SEMA6A: variants seen among roughly 807,000 people sequenced by gnomAD.
The protein encoded by SEMA6A is semaphorin-6A.
In SEMA6A, 25 loss-of-function variants were observed where a neutral mutation model predicts 96.8. That is an observed-to-expected ratio of 0.26 (90% CI 0.19 to 0.36). The LOEUF is 0.36. Ranked by LOEUF, SEMA6A falls within the 10% of genes least tolerant of loss-of-function variation. The pLI is 1.00. For missense variants in SEMA6A, 1,363 were observed against 1,323.1 expected, an observed-to-expected ratio of 1.03 and a Z score of -0.47; for synonymous variants, 612 against 518.0, an observed-to-expected ratio of 1.18 and a Z score of -2.46.
chr5:116,495,103 GA>G (rs912980539), intron 6 of SEMA6A, among the ~76,000 whole-genome samples: 38 of 151,956 alleles, frequency 2.5e-4, no homozygotes, highest in African/African-American at 8.2e-4. Context: ...GTGGGAGGGA[GA>G]AAAAAAATAG....
intron 1 of SEMA6A, among the ~76,000 whole-genome samples, chr5:116,513,664 C>T (rs1339134062): frequency 6.6e-6 from 1 of 150,424 alleles, no homozygotes; most frequent in Admixed American, 6.6e-5. Context: ...GCAGGATGCT[C>T]AGGTTTGTTA....
chr5:116,513,319 G>T (rs543971568), intron 1 of SEMA6A, among the ~76,000 whole-genome samples: 2 of 152,026 alleles, frequency 1.3e-5, no homozygotes, highest in Non-Finnish European at 2.9e-5. Flanking sequence ...TAGAGACGGG[G>T]TTTCTCCATG....
chr5:116,497,896 G>A (rs201562010), intron 3 of SEMA6A, among the ~76,000 whole-genome samples: 14 of 152,142 alleles, frequency 9.2e-5, no homozygotes, highest in Non-Finnish European at 1.9e-4. Context: ...GATGGATGAC[G>A]ACAAAGGTAA....
Position 116,502,115 on chromosome 5 carries a change from A to T in SEMA6A, c.218+95T>A, listed in dbSNP as rs562978380. ...TAAGTTAAATAACACTCTATTTAGAAACCTCAAGATCTTAAAAATAATGCA... is the reference window on the plus strand; with the variant it reads ...TAAGTTAAATAACACTCTATTTAGATACCTCAAGATCTTAAAAATAATGCA... On this transcript the variant is annotated intron_variant, in intron 3 of 18. Coordinates refer to ENST00000343348, the MANE Select transcript of SEMA6A (RefSeq NM_020796.5). The T allele has an allele frequency of 1.1e-5, 10 of 892,582 alleles. No individual in the cohort carries two copies. In the African/African-American group the frequency reaches 1.5e-4, roughly 13 times the overall value. The allele number at this position is 892,582 out of a possible 1,614,324, so 55.3% of individuals were successfully genotyped here.
In SEMA6A at chr5:116,496,225, C is replaced by G. The variant is rs747385010; in HGVS notation, c.342+26G>C. On this transcript the variant is annotated intron_variant, in intron 5 of 18. Transcript: ENST00000343348. ...TCAAAAACTTAACCCAAAGTGGCAG[C>G]TGCAGGAGAAATGAAAATTGCCTAC... The G allele has an allele frequency of 3.7e-5, 59 of 1,604,160 alleles. No individual in the cohort carries two copies. In the East Asian group the frequency reaches 1.3e-3, roughly 34 times the overall value.
rs370290929 is a variant in SEMA6A at position 116,525,343 on chromosome 5, G to A, written c.-38-20361C>T. Among the ~76,000 whole-genome samples the A allele has an allele frequency of 3.1e-4, 47 of 152,148 alleles. 1 individual carries two copies. Among genetic ancestry groups the A allele is most frequent in the Admixed American group, 1.6e-3 (24 of 15,272 alleles). ...AGTGGGATAATGATGTTTTCCCTTC[G>A]TACAGCTGTTATTAGGATAAAGAGC... On this transcript the variant is annotated intron_variant, in intron 1 of 18. Transcript: ENST00000343348.
intron 3 of SEMA6A, among the ~76,000 whole-genome samples, chr5:116,499,461 G>A (rs1012162928): frequency 5.9e-5 from 9 of 152,160 alleles, no homozygotes; most frequent in Admixed American, 3.9e-4. Flanking sequence ...GCTTTAAATC[G>A]TGTTACTTGC....
At chr5:116,564,476 G>C (rs1465850862) in intron 1 of SEMA6A, among the ~76,000 whole-genome samples, 2 of 152,196 alleles carry the variant, frequency 1.3e-5, no homozygotes. Context: ...AAGTCCACTT[G>C]AGAAATGGAA....
chr5:116,551,804 T>C (rs1033354352), intron 1 of SEMA6A, among the ~76,000 whole-genome samples: 20 of 152,252 alleles, frequency 1.3e-4, no homozygotes, highest in African/African-American at 4.8e-4. Flanking sequence ...CAGCTTCCTG[T>C]CTGCAATTAA....
chr5:116,446,634 C>A lies in SEMA6A; in HGVS notation c.3072G>T (p.Lys1024Asn). ...GGGATTATGTACACGCATCATTGGGCTTCATGGATGTGGAAAGGGGAGCAA... is the reference window on the plus strand; with the variant it reads ...GGGATTATGTACACGCATCATTGGGATTCATGGATGTGGAAAGGGGAGCAA... ...PSFAPLSTSM[K>N]PNDACT The change falls in exon 19 of 19, where the codon AAG (lysine) becomes AAT (asparagine). Residue 1024 changes from lysine (K) to asparagine (N), a missense_variant. Coordinates refer to ENST00000343348, the MANE Select transcript of SEMA6A (RefSeq NM_020796.5). The A allele has an allele frequency of 6.6e-7, 1 of 1,516,136 alleles. No individual in the cohort carries two copies. The allele number at this position is 1,516,136 out of a possible 1,614,324, so 93.9% of individuals were successfully genotyped here. A position where few individuals can be genotyped will look rare whatever the true frequency, so the allele number is the denominator to read the frequency against.
In SEMA6A at chr5:116,443,719, A is replaced by T. The variant is rs1439206892; in HGVS notation, c.*2894T>A. 6.6e-6 allele frequency: 1 copy of T among 152,562 alleles called. No homozygotes were observed. The highest frequency in any genetic ancestry group is 1.5e-5 in the Non-Finnish European group (1 of 68,042). 9.5% of individuals were successfully genotyped at this position (152,562 alleles called of 1,614,324 possible). A position where few individuals can be genotyped will look rare whatever the true frequency, so the allele number is the denominator to read the frequency against. ...AGATGGAAGGAAAATTGGTGACATC[A>T]CAATATTTTTACAACTTTACAACAA... On this transcript the variant is annotated 3_prime_UTR_variant, in exon 19 of 19. Transcript: ENST00000343348.
At chr5:116,524,169 T>G (rs1393894412) in intron 1 of SEMA6A, among the ~76,000 whole-genome samples, 3 of 152,144 alleles carry the variant, frequency 2.0e-5, no homozygotes, top group African/African-American at 7.2e-5. Flanking sequence ...ATGACAAGGT[T>G]GAAATAAAGC....
Position 116,447,218 on chromosome 5 carries a change from C to CGTA in SEMA6A, c.2485_2487dup (p.Tyr829dup). On this transcript the variant is annotated inframe_insertion, in exon 19 of 19. Transcript: ENST00000343348. Reference sequence around the variant, plus strand: ...ACCTCGCTCATTTTGGGCTGGTCCACGTACTCATGCTGGTAGCCCTGCTGC... The same window carrying CGTA: ...ACCTCGCTCATTTTGGGCTGGTCCACGTAGTACTCATGCTGGTAGCCCTGCTGC... The CGTA allele has an allele frequency of 1.2e-6, 2 of 1,614,056 alleles. No individual in the cohort carries two copies. Among genetic ancestry groups the CGTA allele is most frequent in the Non-Finnish European group, 1.7e-6 (2 of 1,179,910 alleles).
intron 1 of SEMA6A, among the ~76,000 whole-genome samples, chr5:116,509,190 C>CGTGAA (rs1758285742): frequency 6.6e-6 from 1 of 152,156 alleles, no homozygotes; most frequent in Admixed American, 6.5e-5. Flanking sequence ...ACACAAGGAA[C>CGTGAA]ATTTTAATAA....
intron 18 of SEMA6A, among the ~76,000 whole-genome samples, chr5:116,460,506 A>G (rs1052819375): frequency 6.6e-6 from 1 of 152,200 alleles, no homozygotes; most frequent in African/African-American, 2.4e-5. Flanking sequence ...TCAGGTAGCA[A>G]AAAGTTTAAG....
chr5:116,448,551 G>A (rs540934080), intron 18 of SEMA6A, among the ~76,000 whole-genome samples: 1 of 152,066 alleles, frequency 6.6e-6, no homozygotes, highest in Non-Finnish European at 1.5e-5. Flanking sequence ...ATGCATGTTA[G>A]ACAAACAAAT....
rs1486881737 is a variant in SEMA6A at position 116,491,786 on chromosome 5, G to T, written c.489C>A (p.Ala163=). The T allele has an allele frequency of 1.2e-6, 2 of 1,613,744 alleles. No individual in the cohort carries two copies. Among genetic ancestry groups the T allele is most frequent in the South Asian group, 2.2e-5 (2 of 91,076 alleles). ...CATGTTTGGCATCATATGGGCATCT[G>T]GCCATTCCGCTGAATTCATCCCCGA... ...EPFGDEFSGM[A]RCPYDAKHAN... The change falls in exon 7 of 19, where the codon GCC becomes GCA. Residue 163 remains alanine, a synonymous_variant. Transcript: ENST00000343348.
At chr5:116,533,954 C>G (rs1759600967) in intron 1 of SEMA6A, among the ~76,000 whole-genome samples, 1 of 152,156 alleles carries the variant, frequency 6.6e-6, no homozygotes, top group Non-Finnish European at 1.5e-5. Context: ...CATTCTCTCC[C>G]AATTCACTGA....
intron 6 of SEMA6A, among the ~76,000 whole-genome samples, chr5:116,494,060 A>G (rs961541323): frequency 1.3e-5 from 2 of 151,724 alleles, no homozygotes; most frequent in African/African-American, 4.8e-5. Flanking sequence ...TTCTTGACTC[A>G]CCTCTCTCTC....
Sources: allele counts gnomAD v4.1 joint callset (sites outside exome capture counted in the v4.1 genomes callset), GRCh38; gene constraint gnomAD v4.1.1; transcripts MANE v1.5; gene names NCBI Gene and HGNC (gene_info 2026-07-23, HGNC 2026-07-21).